SRGAP2: variants seen among roughly 807,000 people sequenced by gnomAD.
SRGAP2 encodes the protein SLIT-ROBO Rho GTPase-activating protein 2.
SRGAP2 carries 15 observed loss-of-function variants against 57.2 expected under a neutral mutation model. The observed-to-expected ratio is 0.26, with a 90% confidence interval of 0.18 to 0.40. The LOEUF (loss-of-function observed/expected upper bound fraction) is 0.40, where lower values mean the gene tolerates loss of function less well. Among genes scored for constraint, SRGAP2 ranks in the 10% least tolerant of loss-of-function variants. The probability of loss-of-function intolerance (pLI) is 1.00; values close to 1 mark genes in which losing one functional copy is unlikely to be tolerated. For missense variants in SRGAP2, 520 were observed against 669.6 expected (o/e 0.78, Z 2.47); for synonymous variants, 249 against 248.0 (o/e 1.00, Z -0.04).
chr1:206,434,738 TC>T (rs1413477700), intron 14 of SRGAP2, among the ~76,000 whole-genome samples: 2 of 152,320 alleles, frequency 1.3e-5, no homozygotes, highest in African/African-American at 4.8e-5. Context: ...CTCCATGTGT[TC>T]CAGGCCTGCT....
chr1:206,409,878 C>T (rs1344732138), intron 10 of SRGAP2, among the ~76,000 whole-genome samples: 1 of 151,440 alleles, frequency 6.6e-6, no homozygotes, highest in Non-Finnish European at 1.5e-5. Context: ...GCAGGCGGAT[C>T]ACCTGAGGTC....
intron 10 of SRGAP2, among the ~76,000 whole-genome samples, chr1:206,411,072 G>A (rs1472564466): frequency 1.3e-5 from 2 of 152,212 alleles, no homozygotes; most frequent in African/African-American, 2.4e-5. Context: ...ATGTTGGCCA[G>A]GCTGGTCTCA....
intron 2 of SRGAP2, among the ~76,000 whole-genome samples, chr1:206,251,767 C>T (rs1164260415): frequency 3.6e-5 from 3 of 84,048 alleles, no homozygotes; most frequent in Admixed American, 1.2e-4. Flanking sequence ...TGCAGTGGTG[C>T]GATCTTGGCT....
At chr1:206,248,815 A>G (rs1409534218) in intron 2 of SRGAP2, among the ~76,000 whole-genome samples, 4 of 149,186 alleles carry the variant, frequency 2.7e-5, no homozygotes, top group Admixed American at 1.3e-4. Flanking sequence ...TTTACTCCTC[A>G]CTGCTGTTGC....
intron 11 of SRGAP2, among the ~76,000 whole-genome samples, chr1:206,416,856 A>C (rs1186689225): frequency 6.6e-6 from 1 of 152,088 alleles, no homozygotes; most frequent in Non-Finnish European, 1.5e-5. Context: ...TGCTAACATC[A>C]GTTACAGGCA....
At chr1:206,391,918 G>A (rs1657016165) in intron 5 of SRGAP2, among the ~76,000 whole-genome samples, 1 of 150,614 alleles carries the variant, frequency 6.6e-6, no homozygotes, top group African/African-American at 2.4e-5. Context: ...TCCCTCCTGT[G>A]GCAATTCCAG....
chr1:206,415,807 G>A (rs1659652389), intron 10 of SRGAP2, 82 bp from the exon 11 acceptor site: 1 of 711,600 alleles, frequency 1.4e-6, no homozygotes, highest in African/African-American at 1.7e-5. Context: ...TCTATATAGG[G>A]GAATTGTCCA....
intron 3 of SRGAP2, among the ~76,000 whole-genome samples, chr1:206,342,127 T>A (rs1359317962): frequency 5.3e-5 from 8 of 152,132 alleles, no homozygotes; most frequent in Admixed American, 6.6e-5. Flanking sequence ...CATGGCTCAA[T>A]AAATGAAATC....
intron 4 of SRGAP2, among the ~76,000 whole-genome samples, chr1:206,370,350 A>G (rs1571978779): frequency 2.0e-5 from 3 of 152,326 alleles, no homozygotes; most frequent in Admixed American, 2.0e-4. Context: ...GAACAAACTT[A>G]AAGTATGGCA....
chr1:206,338,065 G>A (rs1252896252), intron 3 of SRGAP2, among the ~76,000 whole-genome samples: 1 of 147,012 alleles, frequency 6.8e-6, no homozygotes, highest in African/African-American at 2.5e-5. Flanking sequence ...TTCTGCAGAT[G>A]TACAGGCAGC....
At chr1:206,239,746 A>C (rs1355062599) in intron 2 of SRGAP2, among the ~76,000 whole-genome samples, 1 of 151,822 alleles carries the variant, frequency 6.6e-6, no homozygotes, top group Non-Finnish European at 1.5e-5. Context: ...GGCATAAGCC[A>C]TTGCTCTCAG....
intron 2 of SRGAP2, among the ~76,000 whole-genome samples, chr1:206,227,200 CTT>C (rs1667328622): frequency 6.6e-6 from 1 of 150,780 alleles, no homozygotes; most frequent in African/African-American, 2.4e-5. Context: ...GCTATGAGCT[CTT>C]TGAGAGCAGG....
intron 13 of SRGAP2, among the ~76,000 whole-genome samples, chr1:206,428,242 C>T (rs1660976107): frequency 2.0e-5 from 3 of 151,934 alleles, no homozygotes; most frequent in South Asian, 2.1e-4. Context: ...CAATGAAACC[C>T]TGTCTCTACT....
intron 2 of SRGAP2, among the ~76,000 whole-genome samples, chr1:206,241,148 C>T (rs1553309102): frequency 6.6e-6 from 1 of 152,202 alleles, no homozygotes; most frequent in Non-Finnish European, 1.5e-5. Context: ...CATGCCTCTA[C>T]ACTCTGGCCT....
At chr1:206,229,606 A>G (rs538619866) in intron 2 of SRGAP2, among the ~76,000 whole-genome samples, 4 of 152,014 alleles carry the variant, frequency 2.6e-5, no homozygotes, top group Non-Finnish European at 5.9e-5. Context: ...AGGATACAGG[A>G]TAGTGAAGGA....
chr1:206,296,589 C>T (rs1360271213), intron 2 of SRGAP2, among the ~76,000 whole-genome samples: 25 of 152,036 alleles, frequency 1.6e-4, no homozygotes, highest in African/African-American at 5.8e-4. Flanking sequence ...ACCACCACCC[C>T]CAGCTAACTT....
chr1:206,331,664 G>T (rs1674367637), intron 3 of SRGAP2, among the ~76,000 whole-genome samples: 1 of 99,942 alleles, frequency 1.0e-5, no homozygotes, highest in African/African-American at 4.8e-5. Context: ...TTGCTTGGTA[G>T]ATCTTCCTCC....
intron 2 of SRGAP2, among the ~76,000 whole-genome samples, chr1:206,228,918 A>C (rs1476202213): frequency 2.0e-5 from 3 of 150,390 alleles, no homozygotes; most frequent in African/African-American, 7.4e-5. Context: ...TTAGAAAAAT[A>C]TACCAAGTGC....
At chr1:206,376,883 T>C (rs1370752328) in intron 4 of SRGAP2, among the ~76,000 whole-genome samples, 4 of 150,304 alleles carry the variant, frequency 2.7e-5, no homozygotes, top group Admixed American at 2.0e-4. Context: ...GTTTCCACTT[T>C]TAATAATTTA....
Sources: gnomAD v4.1 joint callset for allele counts (sites outside exome capture counted in the v4.1 genomes callset) on GRCh38, gnomAD v4.1.1 for gene constraint, MANE v1.5 for transcripts, NCBI Gene and HGNC (gene_info 2026-07-23, HGNC 2026-07-21) for gene names.